Variants in DFFB observed in about 807,000 individuals in gnomAD.
DFFB encodes DNA fragmentation factor subunit beta.
Under a neutral mutation model 32.7 loss-of-function variants are expected in DFFB, and 29 were observed. The ratio of observed to expected loss-of-function variants is 0.89; its 90% CI spans 0.66 to 1.21. DFFB has a LOEUF of 1.21. Ranked by LOEUF, DFFB falls within the 50% of genes most tolerant of loss-of-function variation. The probability of loss-of-function intolerance (pLI) is 0.00; values close to 1 mark genes in which losing one functional copy is unlikely to be tolerated. For missense variants in DFFB, 398 were observed against 440.6 expected, an observed-to-expected ratio of 0.90 and a Z score of 0.87; for synonymous variants, 170 against 177.1, an observed-to-expected ratio of 0.96 and a Z score of 0.32.
In DFFB at chr1:3,860,202, A is replaced by G. The variant is rs527352953; in HGVS notation, c.241+1358A>G. Among the ~76,000 whole-genome samples the G allele has an allele frequency of 1.6e-4, 24 of 152,152 alleles. 1 individual carries two copies. Among genetic ancestry groups the G allele is most frequent in the Non-Finnish European group, 3.2e-4 (22 of 68,028 alleles). On this transcript the variant is annotated intron_variant, in intron 2 of 6. Transcript: ENST00000378209. ...TTTGGCTTCCCAAAGTGCTGGGATT[A>G]CAGGCATGAGCCACTGTGCCTGGCC...
chr1:3,868,664 A>ACCACACCACGCCACACCACACCAGG (rs1645041928), intron 4 of DFFB, among the ~76,000 whole-genome samples: 20 of 8,948 alleles, frequency 2.2e-3, no homozygotes, highest in East Asian at 6.2e-3. Context: ...ACCAGGCCAC[A>ACCACACCACGCCACACCACACCAGG]CCACACCACA....
At chr1:3,875,815 C>T (rs1271209580) in intron 6 of DFFB, among the ~76,000 whole-genome samples, 1 of 152,166 alleles carries the variant, frequency 6.6e-6, no homozygotes, top group African/African-American at 2.4e-5. Context: ...CTCACTCTGT[C>T]GCCCAGGCTG....
chr1:3,866,762 G>A (rs769654547), intron 3 of DFFB, among the ~76,000 whole-genome samples: 10 of 151,956 alleles, frequency 6.6e-5, no homozygotes, highest in East Asian at 1.9e-4. Context: ...CCACCATTCC[G>A]GTTTCTGTCT....
intron 2 of DFFB, among the ~76,000 whole-genome samples, chr1:3,859,344 C>A (rs776371728): frequency 6.6e-6 from 1 of 152,120 alleles, no homozygotes; most frequent in Non-Finnish European, 1.5e-5. Flanking sequence ...GTGGTTCTTT[C>A]GGGGCATCTG....
intron 2 of DFFB, among the ~76,000 whole-genome samples, chr1:3,864,392 G>A (rs1350824481): frequency 6.6e-6 from 1 of 152,158 alleles, no homozygotes; most frequent in Non-Finnish European, 1.5e-5. Context: ...TTTCCACTGC[G>A]CAGTTTCTGT....
intron 2 of DFFB, among the ~76,000 whole-genome samples, chr1:3,861,103 G>A (rs1233906855): frequency 6.8e-6 from 1 of 147,742 alleles, no homozygotes; most frequent in Non-Finnish European, 1.5e-5. Context: ...GCAGTGAGCT[G>A]AGATTGTGCC....
At chr1:3,860,279 T>G (rs1172045258) in intron 2 of DFFB, 1 of 184,490 alleles carries the variant, frequency 5.4e-6, no homozygotes, top group Non-Finnish European at 1.2e-5. Context: ...CAGGCTGGAG[T>G]GCAGTGGCAC....
At chr1:3,871,582 G>A (rs1645113110) in intron 5 of DFFB, among the ~76,000 whole-genome samples, 1 of 152,176 alleles carries the variant, frequency 6.6e-6, no homozygotes, top group African/African-American at 2.4e-5. Flanking sequence ...TCACCACCGT[G>A]CCCGGCCAAG....
chr1:3,865,753 C>T lies in DFFB; in HGVS notation c.242-59C>T, dbSNP rs1301624586. On this transcript the variant is annotated intron_variant, in intron 2 of 6. Transcript: ENST00000378209. This position sits in a 1 kb window ranked among gnomAD's most constrained non-coding sequence, Gnocchi z 4.7. ...ATGTGGTCAGAGGCTCTTCTTGTGA[C>T]CGGGGCAGGATGTGTCTTCTGCTGG... 6.2e-7 allele frequency: 1 copy of T among 1,613,600 alleles called. No individual in the cohort carries two copies. Among genetic ancestry groups the T allele is most frequent in the Non-Finnish European group, 8.5e-7 (1 of 1,179,692 alleles).
intron 3 of DFFB, 80 bp downstream of exon 3, chr1:3,866,080 C>T (rs112043792): frequency 1.6e-6 from 2 of 1,228,842 alleles, no homozygotes; most frequent in Non-Finnish European, 1.1e-6. Flanking sequence ...CCAAAAAGCC[C>T]CCAGTGAAGG....
At position 3,883,629 on chromosome 1, in the gene DFFB, T is replaced by A. The variant is rs866571912; in HGVS notation, c.905T>A (p.Val302Glu). ...LLFTSENLKL[V>E]HIVCHKKTTH... The stretch of plus-strand genomic sequence containing the variant: ...TTTACCTCAGAGAACCTAAAACTAG[T>A]GCACATTGTCTGCCATAAGAAAACC... The change falls in exon 7 of 7, where the codon GTG becomes GAG. Residue 302 changes from valine (V) to glutamate (E), a missense_variant. By Grantham distance (121) the Val-to-Glu change is moderately radical (BLOSUM62 -2). Coordinates refer to ENST00000378209, the MANE Select transcript of DFFB (RefSeq NM_004402.4). 1 of 1,614,110 alleles carries A rather than the reference T, an allele frequency of 6.2e-7. No individual in the cohort carries two copies. Among genetic ancestry groups the A allele is most frequent in the East Asian group, 2.2e-5 (1 of 44,880 alleles).
Position 3,883,817 on chromosome 1 carries a change from T to C in DFFB, c.*76T>C. On this transcript the variant is annotated 3_prime_UTR_variant, in exon 7 of 7. Coordinates refer to ENST00000378209, the MANE Select transcript of DFFB (RefSeq NM_004402.4). ...TTTTAACAGGTGCCTTTTTTGTTTT[T>C]TTGTTTTTCGTTTTTTTGGTCACTC... The C allele has an allele frequency of 7.1e-7, 1 of 1,401,828 alleles. No individual in the cohort carries two copies. Among genetic ancestry groups the C allele is most frequent in the Non-Finnish European group, 9.9e-7 (1 of 1,013,512 alleles). 86.8% of individuals were successfully genotyped at this position (1,401,828 alleles called of 1,614,324 possible). A position where few individuals can be genotyped will look rare whatever the true frequency, so the allele number is the denominator to read the frequency against.
In DFFB at chr1:3,865,741, CTCT is replaced by C; in HGVS notation, c.242-66_242-64del. The C allele has an allele frequency of 6.2e-7, 1 of 1,611,170 alleles. No individual in the cohort carries two copies. Among genetic ancestry groups the C allele is most frequent in the Non-Finnish European group, 8.5e-7 (1 of 1,177,340 alleles). ...GAATGGGGGAAGATGTGGTCAGAGG[CTCT>C]TCTTGTGACCGGGGCAGGATGTGTC... On this transcript the variant is annotated intron_variant, in intron 2 of 6. Transcript: ENST00000378209. The surrounding 1 kb of genome is among the most constrained non-coding windows in gnomAD (Gnocchi z 4.7).
Position 3,865,840 on chromosome 1 carries a change from T to G in DFFB, c.270T>G (p.Ser90Arg). The change falls in exon 3 of 7, where the codon AGT (serine) becomes AGG (arginine). Residue 90 changes from serine (S) to arginine (R), a missense_variant. By Grantham distance (110) the Ser-to-Arg change is moderately radical. Coordinates refer to ENST00000378209, the MANE Select transcript of DFFB (RefSeq NM_004402.4). The surrounding 1 kb of genome is among the most constrained non-coding windows in gnomAD (Gnocchi z 4.7). Reference sequence around the variant, plus strand: ...TGAGCGACATCAGGCGCTTCCTCAGTGCATTTCACGAGCCACAGGTGGGGC... The same window carrying G: ...TGAGCGACATCAGGCGCTTCCTCAGGGCATTTCACGAGCCACAGGTGGGGC... ...GYVSDIRRFL[S>R]AFHEPQVGLI... 6.2e-7 allele frequency: 1 copy of G among 1,614,120 alleles called. No homozygotes were observed. Among genetic ancestry groups the G allele is most frequent in the Non-Finnish European group, 8.5e-7 (1 of 1,180,042 alleles).
intron 6 of DFFB, among the ~76,000 whole-genome samples, chr1:3,880,954 G>A (rs938436099): frequency 3.3e-5 from 5 of 152,134 alleles, no homozygotes; most frequent in African/African-American, 4.8e-5. Context: ...ACTTTGGGCC[G>A]TACACCCTGC....
In DFFB at chr1:3,865,918, G is replaced by A. The variant is rs1306519530; in HGVS notation, c.348G>A (p.Gln116=). The A allele has an allele frequency of 6.2e-7, 1 of 1,611,858 alleles. No homozygotes were observed. Among genetic ancestry groups the A allele is most frequent in the Non-Finnish European group, 8.5e-7 (1 of 1,178,394 alleles). Reference sequence around the variant, plus strand: ...GTGATGAGCAGGCCCCACAGAGGCAGAGGCTGCTGGCTGACCTCCTGCACA... The same window carrying A: ...GTGATGAGCAGGCCCCACAGAGGCAAAGGCTGCTGGCTGACCTCCTGCACA... ...LLCDEQAPQR[Q]RLLADLLHNV... Residue 116 remains glutamine (Q), a synonymous_variant, in exon 3 of 7, where the codon CAG becomes CAA. Coordinates refer to ENST00000378209, the MANE Select transcript of DFFB (RefSeq NM_004402.4). This position sits in a 1 kb window ranked among gnomAD's most constrained non-coding sequence, Gnocchi z 4.7.
intron 6 of DFFB, among the ~76,000 whole-genome samples, chr1:3,875,768 A>G (rs1456429311): frequency 6.6e-6 from 1 of 151,972 alleles, no homozygotes; most frequent in African/African-American, 2.4e-5. Flanking sequence ...GATATCTTTT[A>G]TCACAAGTTT....
chr1:3,874,068 G>A (rs1045769225), intron 6 of DFFB, among the ~76,000 whole-genome samples: 2 of 152,268 alleles, frequency 1.3e-5, no homozygotes, highest in African/African-American at 4.8e-5. Context: ...TTTACCACAA[G>A]CGTGTGAGTT....
chr1:3,869,923 C>T lies in DFFB; in HGVS notation c.681+148C>T, dbSNP rs548952243. ...ACAGCCCTCACATTCCCAGGGAGGGCGGCAGTGTCTCAGCCAGTGCCTCTC... is the reference window on the plus strand; with the variant it reads ...ACAGCCCTCACATTCCCAGGGAGGGTGGCAGTGTCTCAGCCAGTGCCTCTC... On this transcript the variant is annotated intron_variant, in intron 5 of 6. Coordinates refer to ENST00000378209, the MANE Select transcript of DFFB (RefSeq NM_004402.4). 2.2e-4 allele frequency: 187 copies of T among 847,028 alleles called. 5 individuals are homozygous for T. In the South Asian group the frequency reaches 3.4e-3, roughly 15 times the overall value. The allele number at this position is 847,028 out of a possible 1,614,324, so 52.5% of individuals were successfully genotyped here. A position where few individuals can be genotyped will look rare whatever the true frequency, so the allele number is the denominator to read the frequency against.
Sources: allele counts gnomAD v4.1 joint callset (sites outside exome capture counted in the v4.1 genomes callset), GRCh38; gene constraint gnomAD v4.1.1; non-coding constraint Gnocchi (gnomAD v3.1); transcripts MANE v1.5; gene names NCBI Gene and HGNC (gene_info 2026-07-23, HGNC 2026-07-21).